FNDC3B: variants seen among roughly 807,000 people sequenced by gnomAD.
FNDC3B encodes fibronectin type III domain-containing protein 3B.
FNDC3B carries 12 observed loss-of-function variants against 151.5 expected under a neutral mutation model. The ratio of observed to expected loss-of-function variants is 0.08; its 90% CI spans 0.05 to 0.13. The LOEUF is 0.13. FNDC3B is among the 10% of genes least tolerant of loss of function. The probability of loss-of-function intolerance (pLI) is 1.00; values close to 1 mark genes in which losing one functional copy is unlikely to be tolerated. For missense variants in FNDC3B, 1,214 were observed against 1,505.3 expected (o/e 0.81, Z 3.20); for synonymous variants, 528 against 549.0 (o/e 0.96, Z 0.54).
chr3:172,335,914 T>A (rs936791265), intron 15 of FNDC3B: 10 of 152,128 alleles, frequency 6.6e-5, no homozygotes, highest in African/African-American at 2.4e-4. Context: ...TGTTTCAAGT[T>A]ACCTAATAAT....
intron 1 of FNDC3B, among the ~76,000 whole-genome samples, chr3:172,065,211 A>G (rs1251250715): frequency 6.6e-6 from 1 of 152,206 alleles, no homozygotes; most frequent in Non-Finnish European, 1.5e-5. Context: ...ATGCACCTGT[A>G]GTCCCAGCTA....
chr3:172,267,412 T>G (rs1560048056), intron 6 of FNDC3B, among the ~76,000 whole-genome samples: 2 of 152,164 alleles, frequency 1.3e-5, no homozygotes, highest in Non-Finnish European at 2.9e-5. Context: ...TGCCTCAGTT[T>G]CCCAAAGTGC....
chr3:172,364,912 G>A (rs115664062), intron 23 of FNDC3B, among the ~76,000 whole-genome samples: 1,756 of 152,272 alleles, frequency 0.012, 36 homozygotes, highest in African/African-American at 0.039. Flanking sequence ...AGATTTGTCA[G>A]TGCTCTCAGA....
At chr3:172,231,934 G>A (rs1172358400) in intron 4 of FNDC3B, among the ~76,000 whole-genome samples, 1 of 142,178 alleles carries the variant, frequency 7.0e-6, no homozygotes, top group Non-Finnish European at 1.5e-5. Flanking sequence ...AGGCTGGTGT[G>A]CAGTGGCATG....
intron 10 of FNDC3B, among the ~76,000 whole-genome samples, chr3:172,309,226 A>G (rs900007970): frequency 1.3e-5 from 2 of 152,240 alleles, no homozygotes; most frequent in Non-Finnish European, 2.9e-5. Flanking sequence ...TGGGGGCACA[A>G]GGACAGGGGA....
intron 6 of FNDC3B, among the ~76,000 whole-genome samples, chr3:172,267,865 A>G (rs1576855628): frequency 6.6e-6 from 1 of 152,328 alleles, no homozygotes; most frequent in East Asian, 1.9e-4. Flanking sequence ...CTAAATAGCT[A>G]ATGTTATAAT....
At chr3:172,200,886 T>G (rs1292380805) in intron 3 of FNDC3B, among the ~76,000 whole-genome samples, 1 of 152,168 alleles carries the variant, frequency 6.6e-6, no homozygotes, top group Non-Finnish European at 1.5e-5. Context: ...GGAAAGAGAA[T>G]TTGAAGCGTT....
chr3:172,223,021 C>T (rs924286239), intron 3 of FNDC3B, among the ~76,000 whole-genome samples: 4 of 152,158 alleles, frequency 2.6e-5, no homozygotes, highest in Non-Finnish European at 5.9e-5. Context: ...AATAATAAAG[C>T]GGCTCTCCAA....
chr3:172,125,462 G>A (rs969779639), intron 2 of FNDC3B, among the ~76,000 whole-genome samples: 2 of 152,110 alleles, frequency 1.3e-5, no homozygotes, highest in African/African-American at 4.8e-5. Context: ...GGTAGTAGAC[G>A]GTAGTAGTAG....
At chr3:172,058,234 CA>C (rs1233608504) in intron 1 of FNDC3B, among the ~76,000 whole-genome samples, 1 of 152,066 alleles carries the variant, frequency 6.6e-6, no homozygotes, top group Non-Finnish European at 1.5e-5. Flanking sequence ...TTTTCAGAAG[CA>C]ACATTCATGT....
chr3:172,390,438 CAAAGTT>C (rs1735949228), intron 25 of FNDC3B, among the ~76,000 whole-genome samples: 1 of 151,836 alleles, frequency 6.6e-6, no homozygotes, highest in Non-Finnish European at 1.5e-5. Flanking sequence ...TTCCAGTCTA[CAAAGTT>C]AAAGTTGGGA....
At chr3:172,202,206 T>G (rs1256582715) in intron 3 of FNDC3B, among the ~76,000 whole-genome samples, 1 of 152,108 alleles carries the variant, frequency 6.6e-6, no homozygotes, top group Non-Finnish European at 1.5e-5. Flanking sequence ...CTTTTTTTCC[T>G]CCCTCTCTTT....
At chr3:172,375,755 T>G (rs1322018344) in intron 23 of FNDC3B, among the ~76,000 whole-genome samples, 1 of 152,160 alleles carries the variant, frequency 6.6e-6, no homozygotes, top group African/African-American at 2.4e-5. Context: ...CGCATGCTTA[T>G]TCTAGAAAAG....
intron 4 of FNDC3B, among the ~76,000 whole-genome samples, chr3:172,231,427 TTA>T (rs920416408): frequency 2.0e-5 from 3 of 152,146 alleles, no homozygotes; most frequent in Non-Finnish European, 2.9e-5. Context: ...CGGATGAATT[TTA>T]TGTTATATAA....
intron 8 of FNDC3B, among the ~76,000 whole-genome samples, chr3:172,296,647 G>T (rs750845465): frequency 6.6e-6 from 1 of 152,124 alleles, no homozygotes; most frequent in Admixed American, 6.5e-5. Flanking sequence ...GCTCATCACC[G>T]TTTTATTCTA....
chr3:172,355,690 A>T (rs551851447), intron 22 of FNDC3B, among the ~76,000 whole-genome samples: 1 of 152,216 alleles, frequency 6.6e-6, no homozygotes, highest in Non-Finnish European at 1.5e-5. Context: ...GTAGGCCGCA[A>T]TTGGCCCCAG....
intron 2 of FNDC3B, among the ~76,000 whole-genome samples, chr3:172,113,680 C>A (rs531527483): frequency 6.6e-6 from 1 of 152,306 alleles, no homozygotes; most frequent in Non-Finnish European, 1.5e-5. Context: ...ACAGTAGTAT[C>A]TTTTATCTTA....
At chr3:172,108,863 A>C (rs1719814433) in intron 1 of FNDC3B, among the ~76,000 whole-genome samples, 1 of 152,154 alleles carries the variant, frequency 6.6e-6, no homozygotes, top group African/African-American at 2.4e-5. Context: ...TTTTCTATGG[A>C]GCATAGACTA....
chr3:172,083,692 T>C (rs1718395881), intron 1 of FNDC3B, among the ~76,000 whole-genome samples: 1 of 152,168 alleles, frequency 6.6e-6, no homozygotes, highest in African/African-American at 2.4e-5. Flanking sequence ...TGCTGGATAA[T>C]TAGAGTGAAG....
Sources: gnomAD v4.1 joint callset for allele counts (sites outside exome capture counted in the v4.1 genomes callset) on GRCh38, gnomAD v4.1.1 for gene constraint, MANE v1.5 for transcripts, NCBI Gene and HGNC (gene_info 2026-07-23, HGNC 2026-07-21) for gene names.